The following GOT1 variants were observed in gnomAD, a reference collection of about 807,000 sequenced individuals.
The protein encoded by GOT1 is aspartate aminotransferase, cytoplasmic.
Under a neutral mutation model 48.2 loss-of-function variants are expected in GOT1, and 25 were observed. The ratio of observed to expected loss-of-function variants is 0.52; its 90% confidence interval spans 0.38 to 0.72. The LOEUF (loss-of-function observed/expected upper bound fraction) is 0.72. Among genes scored for constraint, GOT1 ranks in the 30% least tolerant of loss-of-function variants. The pLI, the probability that GOT1 is intolerant of heterozygous loss-of-function variation, is 0.00. For synonymous variants in GOT1, 188 were observed against 193.8 expected (o/e 0.97, Z 0.25); for missense variants, 380 against 520.1 (o/e 0.73, Z 2.62).
intron 2 of GOT1, among the ~76,000 whole-genome samples, chr10:99,412,256 T>G (rs1360629661): frequency 2.0e-5 from 3 of 151,702 alleles, no homozygotes; most frequent in Non-Finnish European, 4.4e-5. Context: ...GGATGAAGAC[T>G]GTCACCTGTC....
chr10:99,413,864 A>G (rs944853902), intron 2 of GOT1, among the ~76,000 whole-genome samples: 1 of 152,208 alleles, frequency 6.6e-6, no homozygotes, highest in Non-Finnish European at 1.5e-5. Context: ...AAGGAGAAAT[A>G]AAATCCTTTA....
chr10:99,424,250 T>C (rs1017051745), intron 1 of GOT1, among the ~76,000 whole-genome samples: 18 of 152,216 alleles, frequency 1.2e-4, no homozygotes, highest in Non-Finnish European at 2.2e-4. Flanking sequence ...TGAAAGTCAA[T>C]TATTTTTCGG....
In GOT1 at chr10:99,406,163, G is replaced by T. The variant is rs770765484; in HGVS notation, c.511C>A (p.Leu171Ile). The T allele has an allele frequency of 7.4e-6, 12 of 1,611,912 alleles. No individual in the cohort carries two copies. The highest frequency in any genetic ancestry group is 6.8e-6 in the Non-Finnish European group (8 of 1,177,956). The change falls in exon 4 of 9, where the codon CTC (leucine) becomes ATC (isoleucine). Residue 171 changes from leucine to isoleucine, a missense_variant. Transcript: ENST00000370508. ...TCCAGATCATTCAGGAAGCCCTGGA[G>T]GTCCAATCCTCTCTTCTCTGCATCC... is the stretch of plus-strand genomic sequence containing the variant. ...YWDAEKRGLD[L>I]QGFLNDLENA...
rs116875976 is a variant in GOT1 at position 99,422,468 on chromosome 10, G to A, written c.119-1663C>T. Among the ~76,000 whole-genome samples, 1,398 of 151,818 alleles carry A rather than the reference G, an allele frequency of 9.2e-3. 7 individuals carry two copies. Among genetic ancestry groups the A allele is most frequent in the South Asian group, 0.019 (92 of 4,794 alleles). ...AACCTTCTAAGCTTTATTTTTGATGGGCATATTCTTTTATAAAATATGGAT... is the reference window on the plus strand; with the variant it reads ...AACCTTCTAAGCTTTATTTTTGATGAGCATATTCTTTTATAAAATATGGAT... On this transcript the variant is annotated intron_variant, in intron 1 of 8. Transcript: ENST00000370508.
chr10:99,426,129 C>G (rs552293748), intron 1 of GOT1, among the ~76,000 whole-genome samples: 34 of 152,162 alleles, frequency 2.2e-4, no homozygotes, highest in African/African-American at 6.5e-4. Context: ...GATCCATGTG[C>G]TTTTTTAAAA....
At chr10:99,430,259 G>A (rs1170712901) in intron 1 of GOT1, 189 bp downstream of exon 1, 1 of 1,521,458 alleles carries the variant, frequency 6.6e-7, no homozygotes, top group East Asian at 2.5e-5. Context: ...CCCCTTTCCA[G>A]GGACTCCACA....
chr10:99,412,824 C>A (rs2032844565), intron 2 of GOT1, among the ~76,000 whole-genome samples: 1 of 152,116 alleles, frequency 6.6e-6, no homozygotes, highest in Admixed American at 6.5e-5. Flanking sequence ...CTGCTGATAC[C>A]CAGGCAAACA....
At chr10:99,400,548 G>A (rs2032660131) in intron 8 of GOT1, among the ~76,000 whole-genome samples, 1 of 152,142 alleles carries the variant, frequency 6.6e-6, no homozygotes. Context: ...GAGGTGGAAT[G>A]ATCACCTGAG....
chr10:99,416,057 C>T (rs200285123), intron 2 of GOT1, among the ~76,000 whole-genome samples: 2 of 152,202 alleles, frequency 1.3e-5, no homozygotes, highest in Non-Finnish European at 2.9e-5. Context: ...TCTCTCACCA[C>T]TCCTATTCAA....
intron 2 of GOT1, among the ~76,000 whole-genome samples, chr10:99,410,651 C>T (rs2032817155): frequency 6.6e-6 from 1 of 152,164 alleles, no homozygotes; most frequent in South Asian, 2.1e-4. Context: ...TTCAGTGAAA[C>T]ACAAGTTGCT....
intron 8 of GOT1, among the ~76,000 whole-genome samples, chr10:99,398,416 T>A (rs2032626961): frequency 6.6e-6 from 1 of 152,218 alleles, no homozygotes; most frequent in Non-Finnish European, 1.5e-5. Flanking sequence ...ACGCCTGTGA[T>A]CCCAGCACTT....
At chr10:99,398,960 C>T (rs963706910) in intron 8 of GOT1, among the ~76,000 whole-genome samples, 2 of 152,144 alleles carry the variant, frequency 1.3e-5, no homozygotes, top group African/African-American at 4.8e-5. Context: ...TGTACACTGC[C>T]CCCGTGATGC....
At chr10:99,428,535 T>C (rs2033070862) in intron 1 of GOT1, among the ~76,000 whole-genome samples, 1 of 152,158 alleles carries the variant, frequency 6.6e-6, no homozygotes, top group African/African-American at 2.4e-5. Context: ...TTTTTGTATT[T>C]TTAGTAAAGA....
intron 8 of GOT1, among the ~76,000 whole-genome samples, chr10:99,398,484 A>G (rs1402847987): frequency 1.3e-5 from 2 of 152,162 alleles, no homozygotes; most frequent in African/African-American, 4.8e-5. Flanking sequence ...AGCCTGGCCA[A>G]CATGCTGAGA....
At chr10:99,421,842 G>C (rs938528538) in intron 1 of GOT1, among the ~76,000 whole-genome samples, 11 of 151,892 alleles carry the variant, frequency 7.2e-5, no homozygotes, top group African/African-American at 2.7e-4. Context: ...TTATTTTCTT[G>C]ATTTCTGCCC....
In GOT1 at chr10:99,406,810, G is replaced by T; in HGVS notation, c.340C>A (p.Arg114=). The T allele has an allele frequency of 1.2e-6, 2 of 1,613,626 alleles. No homozygotes were observed. Among genetic ancestry groups the T allele is most frequent in the Non-Finnish European group, 1.7e-6 (2 of 1,179,572 alleles). Residue 114 remains arginine (R), a synonymous_variant, in exon 3 of 9, where the codon CGA becomes AGA. Transcript: ENST00000370508. Reference sequence around the variant, plus strand: ...CGCGCTAAGAAATCAGCTCCAATTCGAAGTGCACCTGTTCCCCCCAAAGAT... The same window carrying T: ...CGCGCTAAGAAATCAGCTCCAATTCTAAGTGCACCTGTTCCCCCCAAAGAT... ...VQSLGGTGAL[R]IGADFLARWY...
At chr10:99,425,715 T>C (rs1024686441) in intron 1 of GOT1, among the ~76,000 whole-genome samples, 5 of 151,984 alleles carry the variant, frequency 3.3e-5, no homozygotes, top group African/African-American at 1.2e-4. Context: ...TGGATGGTGG[T>C]AGTGGGGTCG....
At chr10:99,407,489 G>A (rs2032775729) in intron 2 of GOT1, among the ~76,000 whole-genome samples, 1 of 150,002 alleles carries the variant, frequency 6.7e-6, no homozygotes, top group Non-Finnish European at 1.5e-5. Context: ...TTGGAGTGCA[G>A]TGGCATGGTC....
intron 2 of GOT1, among the ~76,000 whole-genome samples, chr10:99,412,385 A>T (rs2032837818): frequency 6.6e-6 from 1 of 151,874 alleles, no homozygotes; most frequent in Non-Finnish European, 1.5e-5. Context: ...TGTTTTGCCA[A>T]GGAAGGTCAT....
Sources: allele counts gnomAD v4.1 joint callset (sites outside exome capture counted in the v4.1 genomes callset), GRCh38; gene constraint gnomAD v4.1.1; transcripts MANE v1.5; gene names NCBI Gene and HGNC (gene_info 2026-07-23, HGNC 2026-07-21).